Variants in CWC25 observed in about 807,000 individuals in gnomAD.
CWC25 encodes the protein pre-mRNA-splicing factor CWC25 homolog.
CWC25 carries 31 observed loss-of-function variants against 54.6 expected under a neutral mutation model. The ratio of observed to expected loss-of-function variants is 0.57; its 90% CI spans 0.43 to 0.77. CWC25 has a LOEUF of 0.77. Ranked by LOEUF, CWC25 falls within the 30% of genes least tolerant of loss-of-function variation. The pLI is 0.00. For missense variants in CWC25, 453 were observed against 529.3 expected, an observed-to-expected ratio of 0.86 and a Z score of 1.41; for synonymous variants, 151 against 187.0, an observed-to-expected ratio of 0.81 and a Z score of 1.57.
intron 6 of CWC25, among the ~76,000 whole-genome samples, chr17:38,809,488 T>C (rs1170406419): frequency 2.6e-5 from 4 of 152,118 alleles, no homozygotes; most frequent in Non-Finnish European, 4.4e-5. Context: ...TGTAAATTAT[T>C]TGTAGAGGGA....
chr17:38,815,765 C>T, intron 2 of CWC25: 1 of 939,580 alleles, frequency 1.1e-6, no homozygotes. Context: ...TAAGCACATT[C>T]TACATCACCA....
At chr17:38,815,343 G>A (rs564020235) in intron 2 of CWC25, among the ~76,000 whole-genome samples, 101 of 152,220 alleles carry the variant, frequency 6.6e-4, no homozygotes, top group South Asian at 1.5e-3. Context: ...ATCACTTGAG[G>A]TCAGGAGTTC....
intron 8 of CWC25, among the ~76,000 whole-genome samples, chr17:38,805,342 C>T (rs1009597834): frequency 4.6e-5 from 7 of 151,974 alleles, no homozygotes; most frequent in African/African-American, 1.7e-4. Flanking sequence ...GAGGCAGCAA[C>T]ATATTTGTAT....
chr17:38,821,717 A>G (rs1911931723), intron 1 of CWC25, among the ~76,000 whole-genome samples: 2 of 152,134 alleles, frequency 1.3e-5, no homozygotes. Flanking sequence ...TGCAGTAATG[A>G]GCAGGAAGGC....
In CWC25 at chr17:38,815,855, C is replaced by T. The variant is rs1041377505; in HGVS notation, c.192-758G>A. 19 of 321,052 alleles carry T rather than the reference C, an allele frequency of 5.9e-5. No individual in the cohort carries two copies. The Admixed American group carries it at 7.7e-4, about 13-fold the overall frequency. 19.9% of individuals were successfully genotyped at this position (321,052 alleles called of 1,614,324 possible). A position where few individuals can be genotyped will look rare whatever the true frequency, so the allele number is the denominator to read the frequency against. On this transcript the variant is annotated intron_variant, in intron 2 of 9. Coordinates refer to ENST00000614790, the MANE Select transcript of CWC25 (RefSeq NM_017748.5). ...ATCTTGGTGCTTGTGGGCACACAGA[C>T]ACCAGCGGTAACACTACACATTTGA...
intron 4 of CWC25, among the ~76,000 whole-genome samples, chr17:38,811,594 G>A (rs1911491882): frequency 6.6e-6 from 1 of 151,922 alleles, no homozygotes; most frequent in Non-Finnish European, 1.5e-5. Context: ...CTCCTTTGAG[G>A]GGCGTGGCTC....
intron 9 of CWC25, 24 bp downstream of exon 9, chr17:38,802,676 C>A: frequency 1.2e-6 from 2 of 1,612,924 alleles, no homozygotes; most frequent in Non-Finnish European, 1.7e-6. Context: ...ATGAAAGACC[C>A]TGGCAGGAAG....
intron 2 of CWC25, among the ~76,000 whole-genome samples, chr17:38,820,548 C>T (rs1206182788): frequency 6.6e-6 from 1 of 152,164 alleles, no homozygotes; most frequent in African/African-American, 2.4e-5. Flanking sequence ...GGACTGCATC[C>T]TCAACATATG....
intron 6 of CWC25, among the ~76,000 whole-genome samples, chr17:38,809,363 G>A (rs563624212): frequency 3.2e-4 from 48 of 151,414 alleles, no homozygotes; most frequent in African/African-American, 1.1e-3. Context: ...GGAAGGCAGA[G>A]GTTGCAGTGA....
intron 6 of CWC25, among the ~76,000 whole-genome samples, chr17:38,808,900 C>A (rs534225231): frequency 6.8e-6 from 1 of 147,926 alleles, no homozygotes; most frequent in Admixed American, 6.8e-5. Context: ...GAGCTGAGAT[C>A]GCGCCATTGC....
chr17:38,818,864 A>T (rs1911811370), intron 2 of CWC25, among the ~76,000 whole-genome samples: 1 of 152,110 alleles, frequency 6.6e-6, no homozygotes, highest in Non-Finnish European at 1.5e-5. Flanking sequence ...CTCTGACCTC[A>T]TTAATCAGAC....
rs113499570 is a variant in CWC25 at position 38,815,954 on chromosome 17, C to T, written c.192-857G>A. Among the ~76,000 whole-genome samples, 246 of 152,228 alleles carry T rather than the reference C, an allele frequency of 1.6e-3. 1 individual carries two copies. Among genetic ancestry groups the T allele is most frequent in the African/African-American group, 5.1e-3 (212 of 41,546 alleles). On this transcript the variant is annotated intron_variant, in intron 2 of 9. Transcript: ENST00000614790. The stretch of plus-strand genomic sequence containing the variant: ...AGCCAAAAGAGCCAAACACTGAATA[C>T]GTGAATCATTAGGTAACTATCTGGG...
At chr17:38,811,495 T>C (rs1911485946) in intron 4 of CWC25, among the ~76,000 whole-genome samples, 1 of 143,840 alleles carries the variant, frequency 7.0e-6, no homozygotes, top group African/African-American at 2.7e-5. Flanking sequence ...ATCGTGTCAC[T>C]GCACCACTGC....
chr17:38,816,694 T>TC (rs1911711753), intron 2 of CWC25, among the ~76,000 whole-genome samples: 1 of 151,732 alleles, frequency 6.6e-6, no homozygotes, highest in African/African-American at 2.4e-5. Context: ...GACCCTTTTT[T>TC]TTTTCCCCCA....
intron 5 of CWC25, 42 bp from the exon 6 acceptor site, chr17:38,809,807 T>C (rs955211930): frequency 3.9e-6 from 6 of 1,552,838 alleles, no homozygotes; most frequent in East Asian, 2.3e-5. Flanking sequence ...AAAGAAAATA[T>C]ATATAGGTCC....
intron 5 of CWC25, 129 bp downstream of exon 5, chr17:38,810,339 C>A: frequency 1.0e-6 from 1 of 970,232 alleles, no homozygotes; most frequent in Non-Finnish European, 1.5e-6. Flanking sequence ...GGCCCATGTT[C>A]AAGTGTTCAT....
rs749034316 is a variant in CWC25 at position 38,800,644 on chromosome 17, T to G, written c.*1448A>C. 1 of 152,216 alleles carries G rather than the reference T, an allele frequency of 6.6e-6. No individual in the cohort carries two copies. The highest frequency in any genetic ancestry group is 2.4e-5 in the African/African-American group (1 of 41,432). The allele number at this position is 152,216 out of a possible 1,614,324, so 9.4% of individuals were successfully genotyped here. A position where few individuals can be genotyped will look rare whatever the true frequency, so the allele number is the denominator to read the frequency against. On this transcript the variant is annotated 3_prime_UTR_variant, in exon 10 of 10. Transcript: ENST00000614790. ...ATACATTTTAAGCAGAATTAGGAATTAGCAGAACAAGGAAATCGCCCAGCT... is the reference window on the plus strand; with the variant it reads ...ATACATTTTAAGCAGAATTAGGAATGAGCAGAACAAGGAAATCGCCCAGCT...
chr17:38,811,981 C>T (rs1263829917), intron 4 of CWC25, among the ~76,000 whole-genome samples: 2 of 151,780 alleles, frequency 1.3e-5, no homozygotes, highest in Non-Finnish European at 2.9e-5. Context: ...TCTTGTTGCC[C>T]AGGCTGGAGT....
In CWC25 at chr17:38,801,127, C is replaced by G. The variant is rs1302196991; in HGVS notation, c.*965G>C. The G allele has an allele frequency of 6.6e-6, 1 of 151,906 alleles. No individual in the cohort carries two copies. Among genetic ancestry groups the G allele is most frequent in the African/African-American group, 2.4e-5 (1 of 41,318 alleles). The allele number at this position is 151,906 out of a possible 1,614,324, so 9.4% of individuals were successfully genotyped here. On this transcript the variant is annotated 3_prime_UTR_variant, in exon 10 of 10. Coordinates refer to ENST00000614790, the MANE Select transcript of CWC25 (RefSeq NM_017748.5). Reference sequence around the variant, plus strand: ...TTAGTACCTGACTGAAAGAGACTAGCAAACAACTCCTGAAAATCTGTAATT... The same window carrying G: ...TTAGTACCTGACTGAAAGAGACTAGGAAACAACTCCTGAAAATCTGTAATT...
Sources: gnomAD v4.1 joint callset for allele counts (sites outside exome capture counted in the v4.1 genomes callset) on GRCh38, gnomAD v4.1.1 for gene constraint, MANE v1.5 for transcripts, NCBI Gene and HGNC (gene_info 2026-07-23, HGNC 2026-07-21) for gene names.